Variants in RGS22 observed in about 807,000 individuals in gnomAD.
The protein encoded by RGS22 is regulator of G-protein signaling 22.
In RGS22, 148 loss-of-function variants were observed where a neutral mutation model predicts 172.9. The observed-to-expected ratio is 0.86, with a 90% CI of 0.75 to 0.98. RGS22 has a LOEUF of 0.98. Ranked by LOEUF, RGS22 falls within the 50% of genes least tolerant of loss-of-function variation. The probability of loss-of-function intolerance (pLI) is 0.00; values close to 1 mark genes in which losing one functional copy is unlikely to be tolerated. For synonymous variants in RGS22, 458 were observed against 480.2 expected (o/e 0.95, Z 0.60); for missense variants, 1,347 against 1,440.8 (o/e 0.93, Z 1.05).
At chr8:100,049,787 C>T (rs1821089021) in intron 10 of RGS22, among the ~76,000 whole-genome samples, 1 of 152,136 alleles carries the variant, frequency 6.6e-6, no homozygotes. Flanking sequence ...GTGGCTCAAG[C>T]CTGTAATCCC....
chr8:100,037,445 C>T (rs1348121292), intron 14 of RGS22, among the ~76,000 whole-genome samples: 1 of 152,204 alleles, frequency 6.6e-6, no homozygotes, highest in Non-Finnish European at 1.5e-5. Context: ...TTTCCTCTCA[C>T]CCTGCTTTAA....
chr8:100,063,383 T>G (rs760133575), intron 8 of RGS22, 33 bp downstream of exon 8: 1 of 1,440,036 alleles, frequency 6.9e-7, no homozygotes, highest in Admixed American at 2.4e-5. Context: ...AATTTGTTTT[T>G]AAAACTATTG....
chr8:100,084,927 C>A (rs1812053408), intron 3 of RGS22, among the ~76,000 whole-genome samples: 1 of 152,126 alleles, frequency 6.6e-6, no homozygotes, highest in Non-Finnish European at 1.5e-5. Flanking sequence ...ATGCCAAGGG[C>A]AAATATGTCC....
At chr8:100,019,545 A>G (rs751940964) in intron 14 of RGS22, among the ~76,000 whole-genome samples, 2 of 152,208 alleles carry the variant, frequency 1.3e-5, no homozygotes, top group African/African-American at 2.4e-5. Context: ...ATGTATTCAA[A>G]ACCTATGTAC....
chr8:100,081,362 GTA>G (rs71274952), intron 3 of RGS22, among the ~76,000 whole-genome samples: 2,299 of 143,444 alleles, frequency 0.016, 61 homozygotes, highest in African/African-American at 0.053. Context: ...GTGCGTGTAT[GTA>G]TATATATATA....
Position 100,071,411 on chromosome 8 carries a change from A to G in RGS22, c.552T>C (p.Asp184=). Reference sequence around the variant, plus strand: ...AGAACTTTTTCATAATTACAAGATTATCTTCTTCAGTGGCAGGAGGTGGTA... The same window carrying G: ...AGAACTTTTTCATAATTACAAGATTGTCTTCTTCAGTGGCAGGAGGTGGTA... The part of the protein sequence containing the change: ...PSLPPPATEE[D]NLVIMKKFYV... The change falls in exon 6 of 28, where the codon GAT becomes GAC. Residue 184 remains aspartate (D), a synonymous_variant. Transcript: ENST00000360863. 6.2e-7 allele frequency: 1 copy of G among 1,612,532 alleles called. No individual in the cohort carries two copies. Among genetic ancestry groups the G allele is most frequent in the Non-Finnish European group, 8.5e-7 (1 of 1,179,228 alleles).
chr8:100,078,832 G>T (rs929944673), intron 4 of RGS22, among the ~76,000 whole-genome samples: 10 of 152,056 alleles, frequency 6.6e-5, no homozygotes, highest in Admixed American at 2.0e-4. Context: ...TCGCCATGTT[G>T]CCCAGACTGG....
chr8:100,052,295 A>T (rs2131698005), intron 10 of RGS22, among the ~76,000 whole-genome samples: 1 of 142,546 alleles, frequency 7.0e-6, no homozygotes, highest in Middle Eastern at 3.6e-3. Context: ...ACATATTTAT[A>T]TTTATATGTT....
Position 100,062,730 on chromosome 8 carries a change from A to AT in RGS22, c.1374dup (p.Cys459MetfsTer20). 6.2e-7 allele frequency: 1 copy of AT among 1,600,246 alleles called. No individual in the cohort carries two copies. The stretch of plus-strand genomic sequence containing the variant: ...TAATCTCCATTGCTCACTAGATAGC[A>AT]TTTTTTCATCTTCTCAAGATGTCTG... On this transcript the variant is annotated frameshift_variant, in exon 9 of 28. Coordinates refer to ENST00000360863, the MANE Select transcript of RGS22 (RefSeq NM_015668.5). LOFTEE classifies it high-confidence loss of function.
intron 6 of RGS22, among the ~76,000 whole-genome samples, chr8:100,070,104 T>G (rs1022860618): frequency 6.6e-6 from 1 of 150,518 alleles, no homozygotes; most frequent in East Asian, 1.9e-4. Context: ...GTGATAAATA[T>G]TCAAGAAATT....
chr8:100,075,936 AAGT>A (rs1811318390), intron 4 of RGS22, among the ~76,000 whole-genome samples: 1 of 152,152 alleles, frequency 6.6e-6, no homozygotes, highest in African/African-American at 2.4e-5. Flanking sequence ...GTTGGGTGTG[AAGT>A]AGTGTCCCAC....
At chr8:100,032,158 C>T (rs1178847154) in intron 14 of RGS22, among the ~76,000 whole-genome samples, 1 of 152,170 alleles carries the variant, frequency 6.6e-6, no homozygotes, top group Non-Finnish European at 1.5e-5. Flanking sequence ...ATCAAATTCA[C>T]ATATAACAAT....
At chr8:100,055,130 A>C (rs1367690986) in intron 9 of RGS22, among the ~76,000 whole-genome samples, 1 of 152,212 alleles carries the variant, frequency 6.6e-6, no homozygotes, top group African/African-American at 2.4e-5. Context: ...CCACCTGCTA[A>C]TTGTAGAGCC....
At chr8:100,001,202 T>TTATATATA (rs140189906) in intron 18 of RGS22, among the ~76,000 whole-genome samples, 142 of 124,774 alleles carry the variant, frequency 1.1e-3, no homozygotes, top group African/African-American at 2.3e-3. Context: ...TCCCAATTTT[T>TTATATATA]TATATATATA....
At chr8:99,991,990 C>T (rs917486034) in intron 20 of RGS22, among the ~76,000 whole-genome samples, 1 of 152,168 alleles carries the variant, frequency 6.6e-6, no homozygotes, top group Admixed American at 6.5e-5. Context: ...GAATTTTCAA[C>T]TCAGAATTTC....
chr8:100,085,639 T>G (rs1812103597), intron 3 of RGS22, among the ~76,000 whole-genome samples: 1 of 152,186 alleles, frequency 6.6e-6, no homozygotes, highest in Non-Finnish European at 1.5e-5. Flanking sequence ...TGTTTAAAGC[T>G]CATGCTGTAC....
chr8:99,986,319 G>A (rs568897429), intron 21 of RGS22, among the ~76,000 whole-genome samples: 2 of 152,176 alleles, frequency 1.3e-5, no homozygotes, highest in Admixed American at 6.5e-5. Context: ...CAATTTTACT[G>A]TATGTTGGAA....
chr8:100,021,188 A>G (rs570297080), intron 14 of RGS22, among the ~76,000 whole-genome samples: 8 of 152,268 alleles, frequency 5.3e-5, no homozygotes, highest in Non-Finnish European at 1.2e-4. Context: ...ATACCAGTAT[A>G]TACCAAGTCA....
chr8:100,079,796 T>C (rs904749284), intron 4 of RGS22, among the ~76,000 whole-genome samples: 1 of 152,130 alleles, frequency 6.6e-6, no homozygotes, highest in African/African-American at 2.4e-5. Flanking sequence ...CTTGATAGGA[T>C]TGGTTCAAAA....
Sources: gnomAD v4.1 joint callset for allele counts (sites outside exome capture counted in the v4.1 genomes callset) on GRCh38, gnomAD v4.1.1 for gene constraint, MANE v1.5 for transcripts, NCBI Gene and HGNC (gene_info 2026-07-23, HGNC 2026-07-21) for gene names.